Variants in CRYBG2 observed in about 807,000 individuals in gnomAD.
CRYBG2 encodes crystallin beta-gamma domain containing 2.
Under a neutral mutation model 153.4 loss-of-function variants are expected in CRYBG2, and 106 were observed. That is an observed-to-expected ratio of 0.69 (90% CI 0.59 to 0.81). The LOEUF (loss-of-function observed/expected upper bound fraction) is 0.81, where lower values mean the gene tolerates loss of function less well. Ranked by LOEUF, CRYBG2 falls within the 30% of genes least tolerant of loss-of-function variation. The pLI, the probability that CRYBG2 is intolerant of heterozygous loss-of-function variation, is 0.00. For missense variants in CRYBG2, 1,996 were observed against 2,112.0 expected (o/e 0.95, Z 1.08); for synonymous variants, 851 against 877.8 (o/e 0.97, Z 0.54).
chr1:26,349,229 T>G (rs1354578568), intron 1 of CRYBG2, among the ~76,000 whole-genome samples: 1 of 152,112 alleles, frequency 6.6e-6, no homozygotes, highest in Admixed American at 6.5e-5. Flanking sequence ...TTAGGGCACT[T>G]GGGCTTTACA....
At position 26,343,033 on chromosome 1, in the gene CRYBG2, C is replaced by A; in HGVS notation, c.3074+14G>T. 1 of 1,542,222 alleles carries A rather than the reference C, an allele frequency of 6.5e-7. No homozygotes were observed. Among genetic ancestry groups the A allele is most frequent in the Non-Finnish European group, 8.8e-7 (1 of 1,141,112 alleles). On this transcript the variant is annotated intron_variant, in intron 4 of 19. Transcript: ENST00000308182. This position sits in a 1 kb window ranked among gnomAD's most constrained non-coding sequence, Gnocchi z 4.1. Reference sequence around the variant, plus strand: ...GTTCACAGCCAAGTGCCTTGCTGGGCACTCCCCACTCACCAGCCTCGAACT... The same window carrying A: ...GTTCACAGCCAAGTGCCTTGCTGGGAACTCCCCACTCACCAGCCTCGAACT...
rs995197156 is a variant in CRYBG2 at position 26,325,881 on chromosome 1, A to C, written c.4579-1571T>G. On this transcript the variant is annotated intron_variant, in intron 17 of 19. Coordinates refer to ENST00000308182, the MANE Select transcript of CRYBG2 (RefSeq NM_001039775.4). The surrounding 1 kb of genome is among the most constrained non-coding windows in gnomAD (Gnocchi z 4.1). ...TTACTACCAGTGGGTGGTCCATGAG[A>C]TCACTTTCAGTCCTATGTGGCTAAA... Among the ~76,000 whole-genome samples the C allele has an allele frequency of 2.0e-5, 3 of 152,126 alleles. No individual in the cohort carries two copies. The highest frequency in any genetic ancestry group is 7.2e-5 in the African/African-American group (3 of 41,422).
At chr1:26,341,689 G>A (rs1171612727) in intron 5 of CRYBG2, among the ~76,000 whole-genome samples, 4 of 152,192 alleles carry the variant, frequency 2.6e-5, no homozygotes, top group East Asian at 1.9e-4. Flanking sequence ...GTTTCACCAC[G>A]TTGGCTGGGC....
At chr1:26,348,103 C>T (rs887699315) in intron 1 of CRYBG2, among the ~76,000 whole-genome samples, 1 of 152,236 alleles carries the variant, frequency 6.6e-6, no homozygotes, top group East Asian at 1.9e-4. Flanking sequence ...CCAAAATGCT[C>T]GCCTTATAAC....
intron 14 of CRYBG2, among the ~76,000 whole-genome samples, chr1:26,334,363 G>A (rs1486414899): frequency 6.6e-6 from 1 of 152,106 alleles, no homozygotes; most frequent in Non-Finnish European, 1.5e-5. Context: ...GGTCAAGGCT[G>A]CACTGAGCTG....
chr1:26,346,576 T>A lies in CRYBG2; in HGVS notation c.82A>T (p.Thr28Ser). ...ATLTWRQRPP[T>S]QEEIKHGFHK... ...AAACCATGTTTGATCTCTTCCTGGG[T>A]GGGGGGCCGCTGCCGCCATGTCAAT... Residue 28 changes from threonine (T) to serine (S), a missense_variant, in exon 2 of 20, where the codon ACC becomes TCC. By Grantham distance (58) the Thr-to-Ser change is moderately conservative. Coordinates refer to ENST00000308182, the MANE Select transcript of CRYBG2 (RefSeq NM_001039775.4). This position sits in a 1 kb window ranked among gnomAD's most constrained non-coding sequence, Gnocchi z 4.9. The A allele has an allele frequency of 6.2e-7, 1 of 1,602,194 alleles. No homozygotes were observed. Among genetic ancestry groups the A allele is most frequent in the Non-Finnish European group, 8.5e-7 (1 of 1,174,710 alleles).
In CRYBG2 at chr1:26,336,332, C is replaced by A. The variant is rs1315815140; in HGVS notation, c.4071+6G>T. The A allele has an allele frequency of 6.2e-7, 1 of 1,613,524 alleles. No homozygotes were observed. The highest frequency in any genetic ancestry group is 8.5e-7 in the Non-Finnish European group (1 of 1,179,712). On this transcript the variant is annotated splice_donor_region_variant and intron_variant, in intron 13 of 19. Transcript: ENST00000308182. This position sits in a 1 kb window ranked among gnomAD's most constrained non-coding sequence, Gnocchi z 4.9. Reference sequence around the variant, plus strand: ...CCAGCGGCTCCCTGCGGAGTCCCTGCCTTACCTTTGAGACGAAGTGCAGAT... The same window carrying A: ...CCAGCGGCTCCCTGCGGAGTCCCTGACTTACCTTTGAGACGAAGTGCAGAT...
Position 26,343,402 on chromosome 1 carries a change from CA to C in CRYBG2, c.2914-110del. On this transcript the variant is annotated intron_variant, in intron 2 of 19. Transcript: ENST00000308182. The surrounding 1 kb of genome is among the most constrained non-coding windows in gnomAD (Gnocchi z 4.1). ...CATCCTCCCTATTAACCTCCACCCG[CA>C]AGGAGCTGGCGCATAGAGGATGCTC... 7.7e-7 allele frequency: 1 copy of C among 1,306,304 alleles called. No individual in the cohort carries two copies. The highest frequency in any genetic ancestry group is 1.1e-6 in the Non-Finnish European group (1 of 927,660). The allele number at this position is 1,306,304 out of a possible 1,614,324, so 80.9% of individuals were successfully genotyped here. A position where few individuals can be genotyped will look rare whatever the true frequency, so the allele number is the denominator to read the frequency against.
In CRYBG2 at chr1:26,336,164, G is replaced by A. The variant is rs1243256006; in HGVS notation, c.4115C>T (p.Ser1372Phe). ...SRPDFLGDHF[S>F]FEDDQAALPA... ...CAGAGCGGCCTGGTCATCTTCGAAAGAGAAGTGGTCGCCCAGAAAGTCGGG... is the reference window on the plus strand; with the variant it reads ...CAGAGCGGCCTGGTCATCTTCGAAAAAGAAGTGGTCGCCCAGAAAGTCGGG... Residue 1372 changes from serine to phenylalanine, a missense_variant, in exon 14 of 20, where the codon TCT becomes TTT. By Grantham distance (155) the Ser-to-Phe change is radical. Transcript: ENST00000308182. The surrounding 1 kb of genome is among the most constrained non-coding windows in gnomAD (Gnocchi z 4.9). The A allele has an allele frequency of 6.5e-7, 1 of 1,549,080 alleles. No homozygotes were observed. The highest frequency in any genetic ancestry group is 8.7e-7 in the Non-Finnish European group (1 of 1,144,040).
At chr1:26,341,519 T>C (rs1159020469) in intron 5 of CRYBG2, among the ~76,000 whole-genome samples, 6 of 152,096 alleles carry the variant, frequency 3.9e-5, no homozygotes, top group Non-Finnish European at 8.8e-5. Context: ...TTTTTTTTAC[T>C]CTTGTTGCCC....
In CRYBG2 at chr1:26,331,691, A is replaced by G. The variant is rs183560838; in HGVS notation, c.4185-73T>C. ...GCCTGCCCAGGTTCCCCTGAGATACAGAAGAGGGAATGCAGACTTGATCAT... is the reference window on the plus strand; with the variant it reads ...GCCTGCCCAGGTTCCCCTGAGATACGGAAGAGGGAATGCAGACTTGATCAT... On this transcript the variant is annotated intron_variant, in intron 14 of 19. Coordinates refer to ENST00000308182, the MANE Select transcript of CRYBG2 (RefSeq NM_001039775.4). 4.1e-5 allele frequency: 64 copies of G among 1,576,460 alleles called. 1 individual carries two copies. In the East Asian group the frequency reaches 1.3e-3, roughly 33 times the overall value.
At position 26,342,724 on chromosome 1, in the gene CRYBG2, G is replaced by A. The variant is rs76952415; in HGVS notation, c.3204+30C>T. The A allele has an allele frequency of 3.0e-3, 4,886 of 1,607,054 alleles. 135 individuals are homozygous for A. The African/African-American group carries it at 0.058, about 19-fold the overall frequency. On this transcript the variant is annotated intron_variant, in intron 5 of 19. Transcript: ENST00000308182. ...TCGGGGATTTCAACTCTAGGCACTC[G>A]AGGCCGTCTCCCACCTCCAACTCAC...
intron 15 of CRYBG2, among the ~76,000 whole-genome samples, chr1:26,329,206 C>G (rs548332615): frequency 2.4e-5 from 3 of 122,640 alleles, no homozygotes; most frequent in African/African-American, 6.3e-5. Context: ...GACAGAGTCT[C>G]ACTCTTGTCA....
At position 26,345,923 on chromosome 1, in the gene CRYBG2, C is replaced by T. The variant is rs764223582; in HGVS notation, c.735G>A (p.Gly245=). 1.9e-6 allele frequency: 3 copies of T among 1,596,690 alleles called. No individual in the cohort carries two copies. The highest frequency in any genetic ancestry group is 2.2e-5 in the South Asian group (2 of 91,004). ...VKVLSNLVPA[G]HSPPASHLPR... ...GCAGGTGACTGGCAGGGGGGCTGTG[C>T]CCAGCAGGCACGAGGTTACTTAGCA... The change falls in exon 2 of 20, where the codon GGG becomes GGA. Residue 245 remains glycine (G), a synonymous_variant. Transcript: ENST00000308182.
rs185676751 is a variant in CRYBG2, at chr1:26,324,138, C to A, written c.4737+14G>T. Reference sequence around the variant, plus strand: ...AGGGCCAGGGTGTCCCTGTGCCAGCCCCTGTATCAGTACCTGGTTCTTCAG... The same window carrying A: ...AGGGCCAGGGTGTCCCTGTGCCAGCACCTGTATCAGTACCTGGTTCTTCAG... On this transcript the variant is annotated intron_variant, in intron 18 of 19. Coordinates refer to ENST00000308182, the MANE Select transcript of CRYBG2 (RefSeq NM_001039775.4). 3,013 of 1,610,596 alleles carry A rather than the reference C, an allele frequency of 1.9e-3. 6 individuals carry two copies. Among genetic ancestry groups the A allele is most frequent in the Non-Finnish European group, 2.2e-3 (2,575 of 1,177,944 alleles).
At chr1:26,323,354 T>C (rs992681186) in intron 18 of CRYBG2, among the ~76,000 whole-genome samples, 3 of 152,112 alleles carry the variant, frequency 2.0e-5, no homozygotes, top group African/African-American at 7.2e-5. Flanking sequence ...CAAAGTGCTG[T>C]GATTACAGGA....
intron 14 of CRYBG2, among the ~76,000 whole-genome samples, chr1:26,333,707 G>GAAA (rs1373110642): frequency 6.6e-6 from 1 of 152,168 alleles, no homozygotes; most frequent in African/African-American, 2.4e-5. Context: ...CCTTGATCTT[G>GAAA]AATTTCCTAG....
intron 1 of CRYBG2, among the ~76,000 whole-genome samples, chr1:26,352,726 A>C (rs1570223233): frequency 6.6e-6 from 1 of 150,860 alleles, no homozygotes; most frequent in East Asian, 1.9e-4. Context: ...GCAGATAGAA[A>C]CCACCTCCCC....
Position 26,343,388 on chromosome 1 carries a change from T to C in CRYBG2, c.2914-95A>G. 7.1e-7 allele frequency: 1 copy of C among 1,404,152 alleles called. No individual in the cohort carries two copies. Among genetic ancestry groups the C allele is most frequent in the Non-Finnish European group, 9.8e-7 (1 of 1,015,242 alleles). The allele number at this position is 1,404,152 out of a possible 1,614,324, so 87.0% of individuals were successfully genotyped here. On this transcript the variant is annotated intron_variant, in intron 2 of 19. Transcript: ENST00000308182. The surrounding 1 kb of genome is among the most constrained non-coding windows in gnomAD (Gnocchi z 4.1). ...TTCCAAGGATCCCACATCCTCCCTA[T>C]TAACCTCCACCCGCAAGGAGCTGGC...
Sources: gnomAD v4.1 joint callset for allele counts (sites outside exome capture counted in the v4.1 genomes callset) on GRCh38, gnomAD v4.1.1 for gene constraint, Gnocchi (gnomAD v3.1) non-coding constraint, MANE v1.5 for transcripts, NCBI Gene and HGNC (gene_info 2026-07-23, HGNC 2026-07-21) for gene names.